FAT1: variants seen among roughly 807,000 people sequenced by gnomAD.
FAT1 encodes FAT atypical cadherin 1.
Under a neutral mutation model 329.8 loss-of-function variants are expected in FAT1, and 171 were observed. The ratio of observed to expected loss-of-function variants is 0.52; its 90% CI spans 0.46 to 0.59. FAT1 has a LOEUF of 0.59. FAT1 is among the 20% of genes least tolerant of loss of function. The probability of loss-of-function intolerance (pLI) is 0.00; values close to 1 mark genes in which losing one functional copy is unlikely to be tolerated. For missense variants in FAT1, 5,672 were observed against 5,774.4 expected (o/e 0.98, Z 0.57); for synonymous variants, 2,233 against 2,228.6 (o/e 1.00, Z -0.06).
At chr4:186,593,101 C>T (rs1738321107) in intron 26 of FAT1, among the ~76,000 whole-genome samples, 1 of 152,208 alleles carries the variant, frequency 6.6e-6, no homozygotes, top group South Asian at 2.1e-4. Context: ...CAAGACTCGA[C>T]ATTCCAAGAC....
chr4:186,617,321 A>C, intron 10 of FAT1, 120 bp from the exon 11 acceptor site: 1 of 757,416 alleles, frequency 1.3e-6, no homozygotes, highest in Non-Finnish European at 2.0e-6. Flanking sequence ...TTGAGTATTA[A>C]AAGAATTAAT....
At chr4:186,642,000 C>G (rs1212888140) in intron 3 of FAT1, among the ~76,000 whole-genome samples, 1 of 138,330 alleles carries the variant, frequency 7.2e-6, no homozygotes, top group Non-Finnish European at 1.6e-5. Context: ...GAGCAAAACT[C>G]TGTCAAAAAA....
At position 186,617,695 on chromosome 4, in the gene FAT1, G is replaced by T. The variant is rs1053851129; in HGVS notation, c.8878+13C>A. ...TTAAATTAATTAAACCGTTTGGTAT[G>T]AATTTTTTTTACCTGTTATGAAATA... On this transcript the variant is annotated intron_variant, in intron 10 of 26. Coordinates refer to ENST00000441802, the MANE Select transcript of FAT1 (RefSeq NM_005245.4). 3 of 1,532,638 alleles carry T rather than the reference G, an allele frequency of 2.0e-6. No individual in the cohort carries two copies. Among genetic ancestry groups the T allele is most frequent in the African/African-American group, 1.4e-5 (1 of 72,302 alleles). 94.9% of individuals were successfully genotyped at this position (1,532,638 alleles called of 1,614,324 possible).
rs776366782 is a variant in FAT1, at chr4:186,605,948, T to C, written c.10350+122A>G. On this transcript the variant is annotated intron_variant, in intron 17 of 26. Transcript: ENST00000441802. ...ATCTTTTAATACTGATAGCGACTTC[T>C]TGAATTCTACGTTTCCCATTTTTCT... The C allele has an allele frequency of 6.6e-6, 6 of 914,160 alleles. No homozygotes were observed. The African/African-American group carries it at 8.4e-5, about 13-fold the overall frequency. 56.6% of individuals were successfully genotyped at this position (914,160 alleles called of 1,614,324 possible).
intron 2 of FAT1, among the ~76,000 whole-genome samples, chr4:186,670,421 C>T (rs573792381): frequency 6.6e-6 from 1 of 152,248 alleles, no homozygotes; most frequent in South Asian, 2.1e-4. Flanking sequence ...CAATTCAATA[C>T]CCTCAGCGTA....
At chr4:186,651,387 C>A (rs150602509) in intron 3 of FAT1, among the ~76,000 whole-genome samples, 1 of 152,228 alleles carries the variant, frequency 6.6e-6, no homozygotes, top group African/African-American at 2.4e-5. Context: ...AATGGGTGGA[C>A]AGAAGGCGCA....
chr4:186,631,550 C>G (rs1023740443), intron 7 of FAT1, among the ~76,000 whole-genome samples: 2 of 151,764 alleles, frequency 1.3e-5, no homozygotes, highest in African/African-American at 4.9e-5. Flanking sequence ...ATGCTAGTGT[C>G]TCACTGCCCA....
intron 2 of FAT1, among the ~76,000 whole-genome samples, chr4:186,671,106 G>T (rs1742706974): frequency 1.3e-5 from 2 of 152,112 alleles, no homozygotes; most frequent in East Asian, 1.9e-4. Flanking sequence ...TATGTAGATT[G>T]TTTCCTTCCT....
At chr4:186,665,538 G>C (rs1036447058) in intron 2 of FAT1, among the ~76,000 whole-genome samples, 1 of 152,016 alleles carries the variant, frequency 6.6e-6, no homozygotes, top group Admixed American at 6.6e-5. Flanking sequence ...TTTTTGATGG[G>C]GTTGTTTTTT....
At chr4:186,715,537 C>T (rs1745171233) in intron 1 of FAT1, among the ~76,000 whole-genome samples, 2 of 152,154 alleles carry the variant, frequency 1.3e-5, no homozygotes, top group Non-Finnish European at 2.9e-5. Context: ...CTATAAAAAC[C>T]ACCCTGATCA....
At chr4:186,630,487 T>G (rs1467469447) in intron 7 of FAT1, among the ~76,000 whole-genome samples, 1 of 152,132 alleles carries the variant, frequency 6.6e-6, no homozygotes, top group Non-Finnish European at 1.5e-5. Flanking sequence ...ACACAGCTCC[T>G]TTTGGTCAGA....
chr4:186,588,939 A>G lies in FAT1; in HGVS notation c.13420T>C (p.Leu4474=), dbSNP rs2126352849. Residue 4474 remains leucine (L), a synonymous_variant, in exon 27 of 27, where the codon TTG becomes CTG. Transcript: ENST00000441802. ...PPRDMPAAGS[L]GSSSRNRQRF... Reference sequence around the variant, plus strand: ...TGCCGGTTTCTTGATGAAGAACCCAAGCTACCCGCGGCAGGCATGTCTCTA... The same window carrying G: ...TGCCGGTTTCTTGATGAAGAACCCAGGCTACCCGCGGCAGGCATGTCTCTA... The G allele has an allele frequency of 1.2e-6, 2 of 1,613,998 alleles. No individual in the cohort carries two copies. Among genetic ancestry groups the G allele is most frequent in the Non-Finnish European group, 8.5e-7 (1 of 1,179,884 alleles).
rs1739796188 is a variant in FAT1 at position 186,617,960 on chromosome 4, C to G, written c.8626G>C (p.Asp2876His). The G allele has an allele frequency of 8.1e-6, 13 of 1,613,960 alleles. No individual in the cohort carries two copies. Among genetic ancestry groups the G allele is most frequent in the Non-Finnish European group, 9.3e-6 (11 of 1,179,876 alleles). ...TGWITTLKEL[D>H]HEKRDNYQIK... ...TGGTAATTGTCTCTCTTTTCATGGTCAAGTTCCTTTAAAGTTGTAATCCAG... is the reference window on the plus strand; with the variant it reads ...TGGTAATTGTCTCTCTTTTCATGGTGAAGTTCCTTTAAAGTTGTAATCCAG... The change falls in exon 10 of 27, where the codon GAC becomes CAC. Residue 2876 changes from aspartate to histidine, a missense_variant. Transcript: ENST00000441802.
chr4:186,636,274 C>G (rs1316069375), intron 5 of FAT1, 39 bp from the exon 6 acceptor site: 3 of 1,574,684 alleles, frequency 1.9e-6, no homozygotes, highest in Non-Finnish European at 2.6e-6. Flanking sequence ...AACAGCAAAT[C>G]AGGAGTTACA....
chr4:186,629,233 C>G (rs770492716), intron 7 of FAT1, among the ~76,000 whole-genome samples: 7 of 152,044 alleles, frequency 4.6e-5, no homozygotes, highest in Non-Finnish European at 8.8e-5. Flanking sequence ...ACATCCCAAG[C>G]CCCTGATCAT....
At chr4:186,616,014 A>T (rs1384039228) in intron 11 of FAT1, among the ~76,000 whole-genome samples, 2 of 150,926 alleles carry the variant, frequency 1.3e-5, no homozygotes, top group Non-Finnish European at 3.0e-5. Context: ...CGCTCCCCCT[A>T]CTCATGTAGA....
At position 186,620,673 on chromosome 4, in the gene FAT1, TTCTTTC is replaced by T. The variant is rs1739996609; in HGVS notation, c.5907_5912del (p.Lys1970_Glu1971del). On this transcript the variant is annotated inframe_deletion, in exon 10 of 27. Coordinates refer to ENST00000441802, the MANE Select transcript of FAT1 (RefSeq NM_005245.4). Reference sequence around the variant, plus strand: ...TAAACTTTAGGTGACTTTCTTTGCTTTCTTTCACATTAATTTTGACAGAGGTAAGGC... The same window carrying T: ...TAAACTTTAGGTGACTTTCTTTGCTTACATTAATTTTGACAGAGGTAAGGC... 1 of 1,613,936 alleles carries T rather than the reference TTCTTTC, an allele frequency of 6.2e-7. No homozygotes were observed. Among genetic ancestry groups the T allele is most frequent in the African/African-American group, 1.3e-5 (1 of 74,944 alleles).
intron 2 of FAT1, among the ~76,000 whole-genome samples, chr4:186,672,258 T>A (rs997602622): frequency 3.9e-5 from 6 of 152,348 alleles, no homozygotes; most frequent in Non-Finnish European, 5.9e-5. Context: ...ATATTTTATG[T>A]TTTTGATAAT....
intron 4 of FAT1, among the ~76,000 whole-genome samples, chr4:186,637,337 A>G (rs1740881888): frequency 6.6e-6 from 1 of 152,236 alleles, no homozygotes; most frequent in African/African-American, 2.4e-5. Context: ...ATACTTAAAA[A>G]CAAAATTTCC....
Sources: allele counts gnomAD v4.1 joint callset (sites outside exome capture counted in the v4.1 genomes callset), GRCh38; gene constraint gnomAD v4.1.1; transcripts MANE v1.5; gene names NCBI Gene and HGNC (gene_info 2026-07-23, HGNC 2026-07-21).